Variants in MIDN observed in about 807,000 individuals in gnomAD.
MIDN encodes midnolin, also known as midbrain nucleolar protein.
In MIDN, 26 loss-of-function variants were observed where a neutral mutation model predicts 46.1. That is an observed-to-expected ratio of 0.56 (90% CI 0.41 to 0.78). The LOEUF is 0.78. MIDN is among the 30% of genes least tolerant of loss of function. The probability of loss-of-function intolerance (pLI) is 0.00; values close to 1 mark genes in which losing one functional copy is unlikely to be tolerated. For synonymous variants in MIDN, 432 were observed against 343.3 expected (o/e 1.26, Z -2.86); for missense variants, 850 against 771.8 (o/e 1.10, Z -1.20).
chr19:1,255,627 G>A lies in MIDN; in HGVS notation c.1191G>A (p.Lys397=), dbSNP rs753106561. The A allele has an allele frequency of 4.4e-6, 7 of 1,606,582 alleles. No individual in the cohort carries two copies. In the East Asian group the frequency reaches 1.3e-4, roughly 31 times the overall value. Reference sequence around the variant, plus strand: ...CCCCCAGAACTACCTCCTGCGAGAAGCTCACGGCTGCCCCCTCAGCCTCCC... The same window carrying A: ...CCCCCAGAACTACCTCCTGCGAGAAACTCACGGCTGCCCCCTCAGCCTCCC... ...DLAPRTTSCE[K]LTAAPSASLL... is the part of the protein sequence containing the mutation. The change falls in exon 8 of 9, where the codon AAG becomes AAA. Residue 397 remains lysine, a synonymous_variant. Coordinates refer to ENST00000682408, the MANE Select transcript of MIDN (RefSeq NM_001388306.1).
chr19:1,254,947 G>A lies in MIDN; in HGVS notation c.871G>A (p.Ala291Thr), dbSNP rs774418163. 4.3e-6 allele frequency: 7 copies of A among 1,612,090 alleles called. No individual in the cohort carries two copies. Among genetic ancestry groups the A allele is most frequent in the Non-Finnish European group, 8.5e-7 (1 of 1,179,696 alleles). Residue 291 changes from alanine (A) to threonine (T), a missense_variant, in exon 7 of 9, where the codon GCC becomes ACC. By Grantham distance (58) the Ala-to-Thr change is moderately conservative. Coordinates refer to ENST00000682408, the MANE Select transcript of MIDN (RefSeq NM_001388306.1). ...GGCCAGCAGCAGTGCCAGTCCTGGT[G>A]CCAGCACCACGTCTACCCCAGGGGC... Reference protein sequence around the residue: ...PTASSSASPGASTTSTPGASP... With the variant: ...PTASSSASPGTSTTSTPGASP...
intron 6 of MIDN, 90 bp downstream of exon 6, chr19:1,254,568 G>A: frequency 2.2e-6 from 3 of 1,362,864 alleles, no homozygotes; most frequent in Non-Finnish European, 3.0e-6. Flanking sequence ...AGGACTCTTA[G>A]TCCCAGGTGA....
At chr19:1,253,371 G>A (rs1030044724) in intron 4 of MIDN, among the ~76,000 whole-genome samples, 1 of 152,052 alleles carries the variant, frequency 6.6e-6, no homozygotes, top group African/African-American at 2.4e-5. Flanking sequence ...GCTGGGAGGC[G>A]GTCGGTTCTG....
Position 1,257,085 on chromosome 19 carries a change from A to G in MIDN, c.1349A>G (p.Lys450Arg), listed in dbSNP as rs780142860. 2 of 1,612,306 alleles carry G rather than the reference A, an allele frequency of 1.2e-6. No individual in the cohort carries two copies. Among genetic ancestry groups the G allele is most frequent in the Non-Finnish European group, 1.7e-6 (2 of 1,179,832 alleles). The change falls in exon 9 of 9, where the codon AAG (lysine) becomes AGG (arginine). Residue 450 changes from lysine to arginine, a missense_variant. By Grantham distance (26) the Lys-to-Arg change is conservative. Transcript: ENST00000682408. ...LLLQQKRLRRKARRDARGPYH... is the reference protein window; with the variant it reads ...LLLQQKRLRRRARRDARGPYH... ...CTGCAGCAGAAACGGCTCCGTAGAA[A>G]GGCCCGGCGGGACGCGCGGGGTCCG... is the stretch of plus-strand genomic sequence containing the variant.
At chr19:1,251,475 C>A in intron 2 of MIDN, 87 bp from the exon 3 acceptor site, 1 of 1,249,652 alleles carries the variant, frequency 8.0e-7, no homozygotes, top group East Asian at 2.5e-5. Context: ...TCTCTCCCCA[C>A]ACAAGCACAG....
chr19:1,249,180 C>T (rs987732430), intron 1 of MIDN, among the ~76,000 whole-genome samples: 2 of 148,772 alleles, frequency 1.3e-5, no homozygotes, highest in Non-Finnish European at 3.0e-5. Flanking sequence ...CTCGGGGAAA[C>T]GGGTTCTGCC....
chr19:1,255,291 T>G (rs143776480), intron 7 of MIDN, 131 bp from the exon 8 acceptor site: 57 of 1,267,716 alleles, frequency 4.5e-5, no homozygotes, highest in Non-Finnish European at 5.9e-5. Context: ...TCCCGCCCCG[T>G]GGTCCCTCGT....
At chr19:1,251,534 G>A (rs1568781843) in intron 2 of MIDN, 28 bp from the exon 3 acceptor site, 2 of 1,603,764 alleles carry the variant, frequency 1.2e-6, no homozygotes, top group Admixed American at 3.4e-5. Flanking sequence ...TCTCCGCGGA[G>A]TCTCATGCTC....
At chr19:1,251,327 C>A (rs918309756) in intron 2 of MIDN, 8 of 539,196 alleles carry the variant, frequency 1.5e-5, no homozygotes, top group Non-Finnish European at 2.6e-5. Context: ...GTGCCAGAGT[C>A]CAGGGCGGGG....
intron 3 of MIDN, 23 bp downstream of exon 3, chr19:1,251,672 GC>G: frequency 1.3e-6 from 2 of 1,591,216 alleles, no homozygotes. Flanking sequence ...GGGGCTGCGT[GC>G]CCCCAGAGGC....
intron 3 of MIDN, 64 bp from the exon 4 acceptor site, chr19:1,251,775 A>AC (rs1349717282): frequency 2.1e-5 from 33 of 1,538,406 alleles, no homozygotes; most frequent in Non-Finnish European, 2.9e-5. Flanking sequence ...GGCCCTCTCC[A>AC]CCCCCTATTC....
chr19:1,252,718 G>A (rs532865288), intron 4 of MIDN, among the ~76,000 whole-genome samples: 5 of 152,268 alleles, frequency 3.3e-5, no homozygotes, highest in African/African-American at 2.4e-5. Context: ...CCGGCTTCCC[G>A]GGCCTCCCTG....
chr19:1,250,656 C>T (rs1015146193), intron 2 of MIDN, 127 bp downstream of exon 2: 24 of 305,174 alleles, frequency 7.9e-5, no homozygotes, highest in African/African-American at 4.3e-4. Context: ...CGCGCGCTCT[C>T]GGGCGCCCTC....
rs2081102479 is a variant in MIDN at position 1,249,917 on chromosome 19, G to A, written c.-380G>A. ...CCTCCGAGCGGCGGCGACGGCTGTT[G>A]CTAAGGGAGGGGACGCGCGAGGAAG... On this transcript the variant is annotated 5_prime_UTR_variant, in exon 2 of 9. Transcript: ENST00000682408. The A allele has an allele frequency of 6.6e-6, 1 of 151,976 alleles. No individual in the cohort carries two copies. Among genetic ancestry groups the A allele is most frequent in the Non-Finnish European group, 1.5e-5 (1 of 67,984 alleles). The allele number at this position is 151,976 out of a possible 1,614,324, so 9.4% of individuals were successfully genotyped here.
In MIDN at chr19:1,250,438, C is replaced by T. The variant is rs755432431; in HGVS notation, c.142C>T (p.Pro48Ser). Residue 48 changes from proline to serine, a missense_variant, in exon 2 of 9, where the codon CCG becomes TCG. Physicochemically the swap from Pro to Ser is moderately conservative, Grantham distance 74. Transcript: ENST00000682408. ...GGGCACCCGCTACGACCTGGCCGTG[C>T]CGCCCGACGAGACGGTGGAGGGGCT... Reference protein sequence around the residue: ...TTGTRYDLAVPPDETVEGLRK... With the variant: ...TTGTRYDLAVSPDETVEGLRK... 49 of 1,382,436 alleles carry T rather than the reference C, an allele frequency of 3.5e-5. No homozygotes were observed. The highest frequency in any genetic ancestry group is 4.6e-5 in the Non-Finnish European group (48 of 1,046,282). 85.6% of individuals were successfully genotyped at this position (1,382,436 alleles called of 1,614,324 possible).
Position 1,250,546 on chromosome 19 carries a change from C to G in MIDN, c.233+17C>G, listed in dbSNP as rs775928097. On this transcript the variant is annotated intron_variant, in intron 2 of 8. Coordinates refer to ENST00000682408, the MANE Select transcript of MIDN (RefSeq NM_001388306.1). ...CAAAGACACGTAGGTACCGCGCGCC[C>G]CCGGCCGGCCGCCCCCTCGGGCCCC... is the stretch of plus-strand genomic sequence containing the variant. 2 of 1,182,554 alleles carry G rather than the reference C, an allele frequency of 1.7e-6. No homozygotes were observed. 73.3% of individuals were successfully genotyped at this position (1,182,554 alleles called of 1,614,324 possible). A position where few individuals can be genotyped will look rare whatever the true frequency, so the allele number is the denominator to read the frequency against.
At chr19:1,256,898 G>A in intron 8 of MIDN, 97 bp from the exon 9 acceptor site, 2 of 1,550,594 alleles carry the variant, frequency 1.3e-6, no homozygotes, top group Non-Finnish European at 1.7e-6. Context: ...GGGCAGGACT[G>A]TGTCTGACCT....
In MIDN at chr19:1,254,175, C is replaced by T. The variant is rs1187793605; in HGVS notation, c.522C>T (p.Asp174=). 6 of 1,596,092 alleles carry T rather than the reference C, an allele frequency of 3.8e-6. No homozygotes were observed. Among genetic ancestry groups the T allele is most frequent in the South Asian group, 1.1e-5 (1 of 90,024 alleles). The stretch of plus-strand genomic sequence containing the variant: ...GACCGCTCTCCTTGCAGGTCAGTGA[C>T]TTCCTGTCGGGCCGTTCGCCACTGA... The part of the protein sequence containing the change: ...ERGGERPQVS[D]FLSGRSPLTL... Residue 174 remains aspartate, a synonymous_variant, in exon 6 of 9, where the codon GAC becomes GAT. Transcript: ENST00000682408.
At position 1,250,237 on chromosome 19, in the gene MIDN, C is replaced by A; in HGVS notation, c.-60C>A. On this transcript the variant is annotated 5_prime_UTR_variant, in exon 2 of 9. Coordinates refer to ENST00000682408, the MANE Select transcript of MIDN (RefSeq NM_001388306.1). ...TCCGGGGAGCCTCTCGCCCCTGTCC[C>A]GGAGGCGCGGCGAGGATTGGCGGCG... The A allele has an allele frequency of 1.3e-6, 1 of 768,046 alleles. No homozygotes were observed. Among genetic ancestry groups the A allele is most frequent in the Non-Finnish European group, 1.6e-6 (1 of 631,926 alleles). The allele number at this position is 768,046 out of a possible 1,614,324, so 47.6% of individuals were successfully genotyped here. A position where few individuals can be genotyped will look rare whatever the true frequency, so the allele number is the denominator to read the frequency against.
Sources: allele counts gnomAD v4.1 joint callset (sites outside exome capture counted in the v4.1 genomes callset), GRCh38; gene constraint gnomAD v4.1.1; transcripts MANE v1.5; gene names NCBI Gene and HGNC (gene_info 2026-07-23, HGNC 2026-07-21).